DIPK1A: variants seen among roughly 807,000 people sequenced by gnomAD.
DIPK1A encodes the protein family with sequence similarity 69 member A.
A neutral mutation model predicts 40.8 loss-of-function variants in DIPK1A; 27 were observed. That is an observed-to-expected ratio of 0.66 (90% confidence interval 0.49 to 0.91). The LOEUF is 0.91. DIPK1A is among the 40% of genes least tolerant of loss of function. DIPK1A has a pLI of 0.00. For missense variants in DIPK1A, 412 were observed against 505.7 expected, an observed-to-expected ratio of 0.81 and a Z score of 1.78; for synonymous variants, 166 against 171.3, an observed-to-expected ratio of 0.97 and a Z score of 0.24.
At chr1:92,898,743 A>G (rs1202666271) in intron 1 of DIPK1A, among the ~76,000 whole-genome samples, 1 of 151,940 alleles carries the variant, frequency 6.6e-6, no homozygotes, top group Admixed American at 6.6e-5. Flanking sequence ...TTGACTTCCC[A>G]AAGTGCTGGG....
chr1:92,837,364 A>G (rs1173056020), downstream of DIPK1A: 3 of 1,094,442 alleles, frequency 2.7e-6, no homozygotes, highest in Non-Finnish European at 4.2e-6. Context: ...TAATTGTTTC[A>G]AGACGGGACT....
intron 1 of DIPK1A, among the ~76,000 whole-genome samples, chr1:92,951,289 T>C (rs1404511984): frequency 6.6e-6 from 1 of 152,274 alleles, no homozygotes; most frequent in East Asian, 1.9e-4. Flanking sequence ...ACATGAACCA[T>C]GAACCATGAA....
chr1:92,932,488 T>G (rs1030643173), intron 1 of DIPK1A: 2 of 151,938 alleles, frequency 1.3e-5, no homozygotes, highest in African/African-American at 2.4e-5. Context: ...CTAAATGTAC[T>G]GAACTGTCTT....
chr1:92,908,297 AG>A (rs2100832284), intron 1 of DIPK1A, among the ~76,000 whole-genome samples: 1 of 152,270 alleles, frequency 6.6e-6, no homozygotes, highest in African/African-American at 2.4e-5. Flanking sequence ...GAGTGAGAAA[AG>A]GGTTTAGGAC....
chr1:92,851,551 A>AAAAAAC (rs1042973645), intron 2 of DIPK1A, among the ~76,000 whole-genome samples: 2 of 94,594 alleles, frequency 2.1e-5, no homozygotes, highest in African/African-American at 6.7e-5. Context: ...TCAAAAAAAA[A>AAAAAAC]AAAAAAAAAA....
chr1:92,841,742 A>AT (rs775463439), downstream of DIPK1A: 6 of 1,513,168 alleles, frequency 4.0e-6, no homozygotes, highest in African/African-American at 5.5e-5. Context: ...TAGTTTAAAA[A>AT]ATATATATTC....
At chr1:92,896,124 T>G (rs941168819) in intron 1 of DIPK1A, among the ~76,000 whole-genome samples, 6 of 152,158 alleles carry the variant, frequency 3.9e-5, no homozygotes, top group Non-Finnish European at 8.8e-5. Flanking sequence ...AAGCTACCAA[T>G]GACTTTCTTC....
intron 1 of DIPK1A, among the ~76,000 whole-genome samples, chr1:92,922,485 T>C (rs551548168): frequency 1.3e-5 from 2 of 152,256 alleles, no homozygotes; most frequent in East Asian, 3.9e-4. Flanking sequence ...GAGGGAACTG[T>C]TTGCTTTTAA....
intron 1 of DIPK1A, among the ~76,000 whole-genome samples, chr1:92,905,972 C>G (rs900341229): frequency 6.6e-6 from 1 of 151,958 alleles, no homozygotes; most frequent in African/African-American, 2.4e-5. Context: ...ATCCTGTTCC[C>G]TTGGTCTCTG....
At chr1:92,851,398 C>T (rs1571055803) in intron 2 of DIPK1A, among the ~76,000 whole-genome samples, 1 of 151,664 alleles carries the variant, frequency 6.6e-6, no homozygotes, top group Non-Finnish European at 1.5e-5. Context: ...AAAAAATGAG[C>T]CAGGCGTGGT....
intron 1 of DIPK1A, among the ~76,000 whole-genome samples, chr1:92,909,935 A>G (rs1211292214): frequency 1.3e-5 from 2 of 152,214 alleles, no homozygotes; most frequent in Non-Finnish European, 2.9e-5. Context: ...TCACATTAGT[A>G]TCTTTCCCTT....
At chr1:92,891,827 A>G (rs896899807) in intron 1 of DIPK1A, among the ~76,000 whole-genome samples, 2 of 152,162 alleles carry the variant, frequency 1.3e-5, no homozygotes, top group African/African-American at 2.4e-5. Flanking sequence ...CGCTTTTCCA[A>G]TGGTCTTAGC....
chr1:92,945,986 G>A (rs772341433), intron 1 of DIPK1A, among the ~76,000 whole-genome samples: 25 of 152,138 alleles, frequency 1.6e-4, no homozygotes, highest in Non-Finnish European at 3.4e-4. Context: ...ACGTCAAAAA[G>A]CAAACAAGCA....
chr1:92,833,360 A>G (rs186600450), intron 4 of DIPK1A: 2 of 1,558,956 alleles, frequency 1.3e-6, no homozygotes, highest in African/African-American at 2.7e-5. Context: ...AAGACATCAA[A>G]GTTTTAATAA....
At chr1:92,895,046 T>C (rs1649096750) in intron 1 of DIPK1A, among the ~76,000 whole-genome samples, 3 of 152,060 alleles carry the variant, frequency 2.0e-5, no homozygotes. Context: ...CAGGACCAGA[T>C]GGACTCACAG....
At position 92,844,169 on chromosome 1, in the gene DIPK1A, G is replaced by C. The variant is rs748145510; in HGVS notation, c.501C>G (p.Leu167=). The C allele has an allele frequency of 1.1e-4, 172 of 1,548,092 alleles. No homozygotes were observed. Among genetic ancestry groups the C allele is most frequent in the Non-Finnish European group, 1.4e-4 (158 of 1,144,550 alleles). The part of the protein sequence containing the change: ...FKAKLGDQGN[L]SELVNLILTV... ...TCAAGATGAGATTAACCAGTTCAGA[G>C]AGGTTTCCTTGGTCACCCAATTTTG... The change falls in exon 5 of 5, where the codon CTC becomes CTG. Residue 167 remains leucine, a synonymous_variant. Transcript: ENST00000370310.
intron 2 of DIPK1A, among the ~76,000 whole-genome samples, chr1:92,864,885 C>CA (rs1647459391): frequency 6.6e-6 from 1 of 151,512 alleles, no homozygotes; most frequent in African/African-American, 2.4e-5. Context: ...ACTAAAAATA[C>CA]AAAAAAATTA....
At chr1:92,935,600 G>C (rs7550347) in intron 1 of DIPK1A, among the ~76,000 whole-genome samples, 53,120 of 151,850 alleles carry the variant, frequency 0.35, 9,734 homozygotes, top group African/African-American at 0.38. Context: ...AACATGTTTC[G>C]TCCTTATCTA....
intron 4 of DIPK1A, among the ~76,000 whole-genome samples, chr1:92,844,415 TTGTC>T (rs1490138905): frequency 6.6e-6 from 1 of 152,200 alleles, no homozygotes; most frequent in African/African-American, 2.4e-5. Context: ...TTTAAAATAC[TTGTC>T]TGTTTGTTAG....
Sources: allele counts gnomAD v4.1 joint callset (sites outside exome capture counted in the v4.1 genomes callset), GRCh38; gene constraint gnomAD v4.1.1; transcripts MANE v1.5; gene names NCBI Gene and HGNC (gene_info 2026-07-23, HGNC 2026-07-21).